The following VTI1A variants were observed in gnomAD, a reference collection of about 807,000 sequenced individuals.
VTI1A encodes the protein vesicle transport through interaction with t-SNAREs homolog 1A.
Under a neutral mutation model 34.9 loss-of-function variants are expected in VTI1A, and 22 were observed. That is an observed-to-expected ratio of 0.63 (90% CI 0.45 to 0.90). VTI1A has a LOEUF of 0.90. Among genes scored for constraint, VTI1A ranks in the 40% least tolerant of loss-of-function variants. The pLI is 0.00. For synonymous variants in VTI1A, 87 were observed against 97.3 expected, an observed-to-expected ratio of 0.89 and a Z score of 0.62; for missense variants, 268 against 275.6, an observed-to-expected ratio of 0.97 and a Z score of 0.20.
chr10:112,782,677 C>T (rs1161312035), intron 7 of VTI1A, among the ~76,000 whole-genome samples: 2 of 152,180 alleles, frequency 1.3e-5, no homozygotes, highest in African/African-American at 2.4e-5. Flanking sequence ...GCAGACTTCT[C>T]ATCGGACACA....
At chr10:112,477,147 A>AT (rs1848302876) in intron 3 of VTI1A, among the ~76,000 whole-genome samples, 1 of 152,160 alleles carries the variant, frequency 6.6e-6, no homozygotes, top group Non-Finnish European at 1.5e-5. Context: ...AAATAGTCTC[A>AT]TTTTTTGCTT....
chr10:112,596,776 C>G (rs1269984674), intron 5 of VTI1A, among the ~76,000 whole-genome samples: 1 of 151,976 alleles, frequency 6.6e-6, no homozygotes, highest in Non-Finnish European at 1.5e-5. Flanking sequence ...AATTCTTTTG[C>G]TTATTTTTTC....
At chr10:112,843,021 C>T in the VTI1A span, among the ~76,000 whole-genome samples, 1 of 152,210 alleles carries the variant, frequency 6.6e-6, no homozygotes, top group Admixed American at 6.5e-5. Context: ...ACCCAGCAGT[C>T]TCAGTGGTGG....
intron 3 of VTI1A, among the ~76,000 whole-genome samples, chr10:112,480,481 A>G (rs1848424848): frequency 6.6e-6 from 1 of 152,170 alleles, no homozygotes; most frequent in South Asian, 2.1e-4. Flanking sequence ...ATGGGATCGT[A>G]CGTGGAAACA....
Position 112,631,182 on chromosome 10 carries a change from A to C in VTI1A, c.428-37036A>C, listed in dbSNP as rs893766592. Among the ~76,000 whole-genome samples the C allele has an allele frequency of 2.0e-5, 3 of 152,098 alleles. No individual in the cohort carries two copies. In the East Asian group the frequency reaches 5.8e-4, roughly 29 times the overall value. On this transcript the variant is annotated intron_variant, in intron 5 of 7. Transcript: ENST00000393077. ...ACACTGCTATGCTACTCTCAACTAC[A>C]CTGGGGAGCTCAAGCTGATAAGAGC...
At chr10:112,769,500 A>G (rs1365063805) in intron 7 of VTI1A, among the ~76,000 whole-genome samples, 1 of 152,212 alleles carries the variant, frequency 6.6e-6, no homozygotes, top group Admixed American at 6.5e-5. Flanking sequence ...CATGTCTTTG[A>G]TAAGCCAGAC....
chr10:112,571,126 A>C (rs1280910769), intron 5 of VTI1A, among the ~76,000 whole-genome samples: 1 of 152,196 alleles, frequency 6.6e-6, no homozygotes, highest in African/African-American at 2.4e-5. Context: ...CATGTGAAGA[A>C]ATTGAAACTG....
At chr10:112,581,011 A>G (rs960822313) in intron 5 of VTI1A, among the ~76,000 whole-genome samples, 2 of 152,176 alleles carry the variant, frequency 1.3e-5, no homozygotes, top group Non-Finnish European at 2.9e-5. Flanking sequence ...TGATCATGCT[A>G]AATATAAGTT....
At chr10:112,844,955 A>G in the VTI1A span, among the ~76,000 whole-genome samples, 1 of 152,212 alleles carries the variant, frequency 6.6e-6, no homozygotes, top group African/African-American at 2.4e-5. Flanking sequence ...TTGGAGTTCC[A>G]TCTTGGGGAA....
rs139380071 is a variant in VTI1A, at chr10:112,790,827, C to T, written c.561-24463C>T. 1.9e-4 allele frequency among the ~76,000 whole-genome samples: 29 copies of T among 149,434 alleles called. 1 individual carries two copies. Among genetic ancestry groups the T allele is most frequent in the East Asian group, 5.9e-4 (3 of 5,044 alleles). ...TGTTTTGTGAATTTGCCGACCTCTT[C>T]GCTCATAGCTGGAAGTCCCCTGGTA... is the stretch of plus-strand genomic sequence containing the variant. On this transcript the variant is annotated intron_variant, in intron 7 of 7. Transcript: ENST00000393077.
At chr10:112,709,786 G>A (rs10885374) in intron 7 of VTI1A, among the ~76,000 whole-genome samples, 3,967 of 146,664 alleles carry the variant, frequency 0.027, 107 homozygotes, top group East Asian at 0.083. Flanking sequence ...TGCCTCCTGG[G>A]TTCAAGCAAT....
chr10:112,657,445 AT>A, intron 5 of VTI1A, among the ~76,000 whole-genome samples: 1 of 152,202 alleles, frequency 6.6e-6, no homozygotes, highest in East Asian at 1.9e-4. Context: ...CAGTGTAAAC[AT>A]TTGTCCAGGC....
At chr10:112,780,301 TAAATAAATAAATAAATAAATA>T (rs1852084387) in intron 7 of VTI1A, among the ~76,000 whole-genome samples, 1 of 146,218 alleles carries the variant, frequency 6.8e-6, no homozygotes, top group Non-Finnish European at 1.5e-5. Flanking sequence ...AATAAATAAA[TAAATAAATAAATAAATAAATA>T]AAATAATAAC....
At chr10:112,716,527 G>T (rs1849619686) in intron 7 of VTI1A, among the ~76,000 whole-genome samples, 1 of 152,112 alleles carries the variant, frequency 6.6e-6, no homozygotes, top group African/African-American at 2.4e-5. Context: ...GGTGATACCT[G>T]GCCTGAGCTT....
rs142898727 is a variant in VTI1A, at chr10:112,531,114, T to TGCGCGCGC, written c.342+3955_342+3962dup. ...ACACACACACACACACGTGCGCACG[T>TGCGCGCGC]GCGCGCGCGCGCATGAACCCTCACA... On this transcript the variant is annotated intron_variant, in intron 4 of 7. Transcript: ENST00000393077. 6.4e-3 allele frequency among the ~76,000 whole-genome samples: 729 copies of TGCGCGCGC among 113,962 alleles called. 14 individuals are homozygous for TGCGCGCGC. Among genetic ancestry groups the TGCGCGCGC allele is most frequent in the African/African-American group, 0.021 (701 of 33,054 alleles). The allele number at this position is 113,962 out of a possible 152,430, so 74.8% of individuals were successfully genotyped here. A position where few individuals can be genotyped will look rare whatever the true frequency, so the allele number is the denominator to read the frequency against.
chr10:112,623,790 A>G (rs1281541244), intron 5 of VTI1A, among the ~76,000 whole-genome samples: 1 of 152,174 alleles, frequency 6.6e-6, no homozygotes, highest in South Asian at 2.1e-4. Context: ...CCAGCTTCTG[A>G]TTAACAACCT....
intron 3 of VTI1A, among the ~76,000 whole-genome samples, chr10:112,470,643 G>A (rs1407992884): frequency 6.6e-6 from 1 of 152,114 alleles, no homozygotes; most frequent in Non-Finnish European, 1.5e-5. Flanking sequence ...TTGGGAGGCC[G>A]AGGCAGGCGG....
At chr10:112,769,981 C>T (rs190351569) in intron 7 of VTI1A, among the ~76,000 whole-genome samples, 25 of 152,076 alleles carry the variant, frequency 1.6e-4, no homozygotes, top group African/African-American at 5.1e-4. Flanking sequence ...CCACTGGGGT[C>T]ATATCTTTTG....
chr10:112,666,358 T>G (rs1225714735), intron 5 of VTI1A, among the ~76,000 whole-genome samples: 1 of 152,228 alleles, frequency 6.6e-6, no homozygotes, highest in Non-Finnish European at 1.5e-5. Flanking sequence ...AGTTGGATTT[T>G]CTGCCATGAA....
Sources: gnomAD v4.1 joint callset for allele counts (sites outside exome capture counted in the v4.1 genomes callset) on GRCh38, gnomAD v4.1.1 for gene constraint, MANE v1.5 for transcripts, NCBI Gene and HGNC (gene_info 2026-07-23, HGNC 2026-07-21) for gene names.